The following SEC14L5 variants were observed in gnomAD, a reference collection of about 807,000 sequenced individuals.
SEC14L5 encodes the protein SEC14 like lipid binding 5.
In SEC14L5, 96 loss-of-function variants were observed where a neutral mutation model predicts 84.6. The ratio of observed to expected loss-of-function variants is 1.13; its 90% CI spans 0.96 to 1.34. SEC14L5 has a LOEUF of 1.34. Among genes scored for constraint, SEC14L5 ranks in the 40% most tolerant of loss-of-function variants. The pLI, the probability that SEC14L5 is intolerant of heterozygous loss-of-function variation, is 0.00. For missense variants in SEC14L5, 1,224 were observed against 942.5 expected (o/e 1.30, Z -3.91); for synonymous variants, 546 against 383.4 (o/e 1.42, Z -4.95).
intron 2 of SEC14L5, among the ~76,000 whole-genome samples, chr16:4,974,794 T>G (rs2142486929): frequency 6.6e-6 from 1 of 152,162 alleles, no homozygotes; most frequent in East Asian, 1.9e-4. Flanking sequence ...TATATATATT[T>G]TGAGATGGAG....
intron 4 of SEC14L5, 116 bp downstream of exon 4, chr16:4,988,396 G>C (rs1955519174): frequency 7.5e-7 from 1 of 1,325,622 alleles, no homozygotes; most frequent in South Asian, 1.4e-5. Flanking sequence ...CTCCCTCCTG[G>C]GGCATTGTCA....
intron 2 of SEC14L5, among the ~76,000 whole-genome samples, chr16:4,973,770 C>T (rs1568111303): frequency 6.6e-6 from 1 of 151,266 alleles, no homozygotes; most frequent in African/African-American, 2.4e-5. Context: ...GCAACCTCCA[C>T]CTCCCGGGTT....
chr16:4,958,617 C>CGT (rs1040431579), intron 1 of SEC14L5, among the ~76,000 whole-genome samples, 172 bp downstream of exon 1: 2 of 152,048 alleles, frequency 1.3e-5, no homozygotes, highest in African/African-American at 4.8e-5. Flanking sequence ...CGTGTGTGTA[C>CGT]GTGTGTGTGC....
intron 12 of SEC14L5, among the ~76,000 whole-genome samples, chr16:5,006,528 T>C (rs1955733905): frequency 6.6e-6 from 1 of 152,160 alleles, no homozygotes; most frequent in South Asian, 2.1e-4. Context: ...CAGGCCCCTT[T>C]TATTGCCTCC....
intron 2 of SEC14L5, among the ~76,000 whole-genome samples, chr16:4,961,819 T>C (rs1463812289): frequency 1.3e-5 from 2 of 152,202 alleles, no homozygotes; most frequent in East Asian, 3.8e-4. Context: ...GTCCTTGGAC[T>C]GTCAGAGAAG....
chr16:4,970,886 G>A (rs1322595705), intron 2 of SEC14L5, among the ~76,000 whole-genome samples: 1 of 152,174 alleles, frequency 6.6e-6, no homozygotes, highest in Non-Finnish European at 1.5e-5. Context: ...GAGGCGGGTG[G>A]ATCACGAGGT....
intron 2 of SEC14L5, among the ~76,000 whole-genome samples, chr16:4,962,659 G>T (rs1473337197): frequency 7.1e-6 from 1 of 141,356 alleles, no homozygotes; most frequent in African/African-American, 2.7e-5. Flanking sequence ...TTGCACTCCA[G>T]CCTGGGGGAA....
At chr16:4,987,810 G>A in intron 3 of SEC14L5, 104 bp downstream of exon 3, 1 of 850,698 alleles carries the variant, frequency 1.2e-6, no homozygotes, top group Non-Finnish European at 1.7e-6. Context: ...TCCAGGAGGT[G>A]GAGCAGGGGC....
intron 3 of SEC14L5, 38 bp downstream of exon 3, chr16:4,987,744 C>A (rs1182602292): frequency 2.8e-6 from 4 of 1,427,760 alleles, no homozygotes; most frequent in Non-Finnish European, 3.7e-6. Context: ...AGGAGGGGAC[C>A]TGTTGCGGAG....
intron 2 of SEC14L5, among the ~76,000 whole-genome samples, chr16:4,980,462 A>G (rs1180740019): frequency 6.6e-6 from 1 of 152,138 alleles, no homozygotes; most frequent in South Asian, 2.1e-4. Flanking sequence ...ATGGGAAGTG[A>G]GTCAGGAACT....
intron 2 of SEC14L5, among the ~76,000 whole-genome samples, chr16:4,962,558 A>G (rs1445381293): frequency 6.6e-6 from 1 of 152,048 alleles, no homozygotes; most frequent in African/African-American, 2.4e-5. Flanking sequence ...TATGGTGGCA[A>G]GCACCTGTAA....
rs1555529517 is a variant in SEC14L5, at chr16:4,987,498, G to GGGCGGC, written c.64-57_64-56insCGGCGG. 53 of 667,916 alleles carry GGGCGGC rather than the reference G, an allele frequency of 7.9e-5. No individual in the cohort carries two copies. In the African/African-American group the frequency reaches 2.7e-3, roughly 34 times the overall value. 41.4% of individuals were successfully genotyped at this position (667,916 alleles called of 1,614,324 possible). On this transcript the variant is annotated intron_variant, in intron 2 of 15. Coordinates refer to ENST00000251170, the MANE Select transcript of SEC14L5 (RefSeq NM_014692.2). ...ACACAGCAGATAAGGAGGTCGCGCT[G>GGGCGGC]GGGGGGGGGGTCCCTCTGCCCCCCC... is the stretch of plus-strand genomic sequence containing the variant.
intron 2 of SEC14L5, among the ~76,000 whole-genome samples, chr16:4,974,789 A>G (rs1367150942): frequency 6.6e-6 from 1 of 151,452 alleles, no homozygotes; most frequent in Non-Finnish European, 1.5e-5. Flanking sequence ...TCATATATAT[A>G]TATTTTGAGA....
chr16:5,010,573 G>A (rs1273199029), intron 14 of SEC14L5, among the ~76,000 whole-genome samples: 1 of 152,116 alleles, frequency 6.6e-6, no homozygotes, highest in East Asian at 1.9e-4. Flanking sequence ...TTCCCGGTGG[G>A]GAGAGGGTGG....
chr16:4,968,893 G>C (rs1568105914), intron 2 of SEC14L5, among the ~76,000 whole-genome samples: 1 of 152,248 alleles, frequency 6.6e-6, no homozygotes, highest in Non-Finnish European at 1.5e-5. Context: ...ACCTGGCCTT[G>C]TTGTATTGTT....
At chr16:4,963,469 C>T (rs1955154525) in intron 2 of SEC14L5, among the ~76,000 whole-genome samples, 1 of 152,186 alleles carries the variant, frequency 6.6e-6, no homozygotes, top group Admixed American at 6.5e-5. Flanking sequence ...CTTCAGCCCC[C>T]TGAGTAGCTG....
At chr16:5,004,839 T>C (rs1301725777) in intron 11 of SEC14L5, among the ~76,000 whole-genome samples, 1 of 152,224 alleles carries the variant, frequency 6.6e-6, no homozygotes, top group Non-Finnish European at 1.5e-5. Flanking sequence ...TAAAATGGAT[T>C]CCATCTGGAA....
chr16:4,975,282 CT>C (rs925409604), intron 2 of SEC14L5, among the ~76,000 whole-genome samples: 15 of 151,678 alleles, frequency 9.9e-5, no homozygotes, highest in African/African-American at 3.6e-4. Flanking sequence ...ACCATCCTGG[CT>C]AACACGGTGA....
chr16:5,012,905 G>GAA lies in SEC14L5; in HGVS notation c.1979+1643_1979+1644dup, dbSNP rs35512692. Among the ~76,000 whole-genome samples the GAA allele has an allele frequency of 1.9e-3, 272 of 145,758 alleles. 1 individual carries two copies. Among genetic ancestry groups the GAA allele is most frequent in the Middle Eastern group, 0.011 (3 of 282 alleles). ...GCGAGACTGTCTCAAAAAGAAAAAG[G>GAA]AAAAAAAAAAAACCTACCTGAGACT... On this transcript the variant is annotated intron_variant, in intron 15 of 15. Transcript: ENST00000251170.
Sources: gnomAD v4.1 joint callset for allele counts (sites outside exome capture counted in the v4.1 genomes callset) on GRCh38, gnomAD v4.1.1 for gene constraint, MANE v1.5 for transcripts, NCBI Gene and HGNC (gene_info 2026-07-23, HGNC 2026-07-21) for gene names.